ALDH3B2: variants seen among roughly 807,000 people sequenced by gnomAD.
The protein encoded by ALDH3B2 is aldehyde dehydrogenase family 3 member B2.
ALDH3B2 carries 45 observed loss-of-function variants against 36.7 expected under a neutral mutation model. The ratio of observed to expected loss-of-function variants is 1.23; its 90% CI spans 0.97 to 1.57. The LOEUF is 1.57. Among genes scored for constraint, ALDH3B2 ranks in the 40% most tolerant of loss-of-function variants. The probability of loss-of-function intolerance (pLI) is 0.00; values close to 1 mark genes in which losing one functional copy is unlikely to be tolerated. For synonymous variants in ALDH3B2, 217 were observed against 226.5 expected (o/e 0.96, Z 0.38); for missense variants, 464 against 513.3 (o/e 0.90, Z 0.93).
Position 67,663,773 on chromosome 11 carries a change from T to G in ALDH3B2, c.874-12A>C. On this transcript the variant is annotated splice_polypyrimidine_tract_variant and intron_variant, in intron 8 of 9. Coordinates refer to ENST00000349015, the Ensembl canonical transcript of ALDH3B2. Reference sequence around the variant, plus strand: ...ATCTGGTTCACAACCTGCCAGGGAGTGAGAAGGTGGGTGTTGGGCTCTAGT... The same window carrying G: ...ATCTGGTTCACAACCTGCCAGGGAGGGAGAAGGTGGGTGTTGGGCTCTAGT... 1 of 1,604,886 alleles carries G rather than the reference T, an allele frequency of 6.2e-7. No homozygotes were observed. The highest frequency in any genetic ancestry group is 8.5e-7 in the Non-Finnish European group (1 of 1,173,448).
upstream of ALDH3B2, among the ~76,000 whole-genome samples, chr11:67,677,798 A>G (rs567670241): frequency 2.0e-5 from 3 of 152,326 alleles, no homozygotes; most frequent in African/African-American, 7.2e-5. Flanking sequence ...TAGCTCTTCT[A>G]TCCACCAACA....
intron 1 of ALDH3B2, among the ~76,000 whole-genome samples, chr11:67,670,522 G>A (rs1174874658): frequency 2.6e-5 from 4 of 152,156 alleles, no homozygotes; most frequent in African/African-American, 7.2e-5. Flanking sequence ...CTGGAGGCCA[G>A]TGGCCCCATC....
chr11:67,666,066 C>T (rs1658420090), intron 6 of ALDH3B2, 56 bp downstream of exon 6: 1 of 1,592,666 alleles, frequency 6.3e-7, no homozygotes, highest in South Asian at 1.1e-5. Flanking sequence ...ACCCTCCCAC[C>T]CTCTCTCCTG....
rs139977170 is a variant in ALDH3B2 at position 67,673,181 on chromosome 11, C to T, written c.-245+1256G>A. Among the ~76,000 whole-genome samples, 999 of 152,110 alleles carry T rather than the reference C, an allele frequency of 6.6e-3. 10 individuals are homozygous for T. The highest frequency in any genetic ancestry group is 0.022 in the African/African-American group (930 of 41,500). ...TCCTGACATCGTGATCCGCCCGCCT[C>T]GGCCTCCCAAAGTGCTGGGATTACA... On this transcript the variant is annotated intron_variant, in intron 1 of 9. Coordinates refer to ENST00000349015, the Ensembl canonical transcript of ALDH3B2.
chr11:67,663,082 G>T, exon 10 of ALDH3B2: 1 of 1,121,088 alleles, frequency 8.9e-7, no homozygotes, highest in Non-Finnish European at 1.3e-6. Context: ...GCAGGATGCA[G>T]TCATGTGACA....
At chr11:67,677,872 AAAAAC>A (rs1224059620), upstream of ALDH3B2, among the ~76,000 whole-genome samples, 2 of 152,188 alleles carry the variant, frequency 1.3e-5, no homozygotes, top group East Asian at 1.9e-4. Flanking sequence ...AAACAAACAA[AAAAAC>A]AAAACAAAAC....
exon 7 of ALDH3B2, chr11:67,665,618 G>C (rs748648154): frequency 1.9e-6 from 3 of 1,613,774 alleles, no homozygotes; most frequent in Non-Finnish European, 2.5e-6. Context: ...AGGGTGACAG[G>C]CGTCAGGTGC....
At chr11:67,667,039 A>G in intron 2 of ALDH3B2, 23 bp from the exon 3 acceptor site, 1 of 1,474,134 alleles carries the variant, frequency 6.8e-7, no homozygotes, top group South Asian at 1.1e-5. Context: ...TGGAATTCAG[A>G]GTGGTCAGGC....
intron 1 of ALDH3B2, among the ~76,000 whole-genome samples, chr11:67,668,497 G>A (rs187777414): frequency 1.3e-5 from 2 of 152,302 alleles, no homozygotes; most frequent in Admixed American, 1.3e-4. Context: ...CCAGCCCAGG[G>A]GCTCAAGAAT....
upstream of ALDH3B2, among the ~76,000 whole-genome samples, chr11:67,675,195 T>G (rs1856241281): frequency 1.3e-5 from 2 of 152,176 alleles, no homozygotes; most frequent in Admixed American, 6.5e-5. Flanking sequence ...GATGGCGCAT[T>G]GTTCATTGGT....
intron 6 of ALDH3B2, 151 bp downstream of exon 6, chr11:67,665,971 C>A (rs897717257): frequency 2.7e-6 from 3 of 1,103,692 alleles, no homozygotes; most frequent in Non-Finnish European, 3.9e-6. Flanking sequence ...GTGCCCAGGG[C>A]GTGGCCTATG....
At chr11:67,664,139 G>C in intron 8 of ALDH3B2, 1 of 603,050 alleles carries the variant, frequency 1.7e-6, no homozygotes, top group East Asian at 2.9e-5. Context: ...TGCCTGTGCA[G>C]AACCTTTGCA....
At chr11:67,663,849 A>G in intron 8 of ALDH3B2, 88 bp from the exon 9 acceptor site, 2 of 1,101,978 alleles carry the variant, frequency 1.8e-6, no homozygotes, top group South Asian at 3.1e-5. Context: ...GGTGAGCCTC[A>G]TCCTCACCTG....
At chr11:67,676,143 A>G (rs1033807524), upstream of ALDH3B2, among the ~76,000 whole-genome samples, 1 of 152,146 alleles carries the variant, frequency 6.6e-6, no homozygotes, top group East Asian at 1.9e-4. Flanking sequence ...GCTACTCGGG[A>G]GGCTGAGGCA....
chr11:67,679,686 G>A (rs947804766), upstream of ALDH3B2, among the ~76,000 whole-genome samples: 6 of 150,696 alleles, frequency 4.0e-5, no homozygotes, highest in Non-Finnish European at 8.8e-5. Context: ...AGCTGAGGCA[G>A]GAGAATGGCG....
chr11:67,668,917 ATGTGTATGGGAGTCTG>A (rs1212153729), intron 1 of ALDH3B2, among the ~76,000 whole-genome samples: 1 of 116,780 alleles, frequency 8.6e-6, no homozygotes, highest in Non-Finnish European at 1.7e-5. Context: ...GTGTGTCTGT[ATGTGTATGGGAGTCTG>A]TGTGTATGGG....
At chr11:67,670,278 CTG>C (rs528745463) in intron 1 of ALDH3B2, among the ~76,000 whole-genome samples, 3 of 141,688 alleles carry the variant, frequency 2.1e-5, no homozygotes, top group Admixed American at 7.1e-5. Context: ...CCACGTGTGT[CTG>C]TGTGTGTATG....
chr11:67,678,657 T>C (rs1264791935), upstream of ALDH3B2, among the ~76,000 whole-genome samples: 1 of 148,904 alleles, frequency 6.7e-6, no homozygotes, highest in Non-Finnish European at 1.5e-5. Flanking sequence ...ATATACACTA[T>C]GATATATATA....
At chr11:67,665,495 G>A in exon 7 of ALDH3B2, 3 of 1,614,114 alleles carry the variant, frequency 1.9e-6, no homozygotes, top group Non-Finnish European at 2.5e-6. Flanking sequence ...ACGTAGTCAG[G>A]GGCCACGCAG....
Sources: gnomAD v4.1 joint callset for allele counts (sites outside exome capture counted in the v4.1 genomes callset) on GRCh38, gnomAD v4.1.1 for gene constraint, MANE v1.5 for transcripts, NCBI Gene and HGNC (gene_info 2026-07-23, HGNC 2026-07-21) for gene names.